PACS2: variants seen among roughly 807,000 people sequenced by gnomAD.
PACS2 encodes PACS1-like protein.
A neutral mutation model predicts 113.0 loss-of-function variants in PACS2; 36 were observed. The observed-to-expected ratio is 0.32, with a 90% confidence interval of 0.24 to 0.42. The LOEUF is 0.42. PACS2 is among the 10% of genes least tolerant of loss of function. The probability of loss-of-function intolerance (pLI) is 1.00; values close to 1 mark genes in which losing one functional copy is unlikely to be tolerated. For missense variants in PACS2, 1,015 were observed against 1,239.5 expected (o/e 0.82, Z 2.72); for synonymous variants, 589 against 536.1 (o/e 1.10, Z -1.36).
chr14:105,308,481 C>CTTTTT (rs1227708197), intron 1 of PACS2, among the ~76,000 whole-genome samples: 2 of 124,590 alleles, frequency 1.6e-5, no homozygotes, highest in African/African-American at 6.5e-5. Context: ...CAGATTCTGT[C>CTTTTT]TTTTTTTTTT....
chr14:105,342,643 C>T (rs962350929), intron 1 of PACS2, among the ~76,000 whole-genome samples: 12 of 151,894 alleles, frequency 7.9e-5, no homozygotes, highest in African/African-American at 2.2e-4. Flanking sequence ...TTGCAAGTAT[C>T]GTCTGGTAGG....
At chr14:105,377,816 T>C (rs1555410837) in intron 9 of PACS2, among the ~76,000 whole-genome samples, 1 of 152,218 alleles carries the variant, frequency 6.6e-6, no homozygotes, top group Admixed American at 6.5e-5. Flanking sequence ...GTTCTGGAGA[T>C]TGCCATCCCG....
In PACS2 at chr14:105,317,486, A is replaced by G. The variant is rs952574512; in HGVS notation, c.119+2449A>G. Among the ~76,000 whole-genome samples, 1 of 151,922 alleles carries G rather than the reference A, an allele frequency of 6.6e-6. No homozygotes were observed. The highest frequency in any genetic ancestry group is 2.4e-5 in the African/African-American group (1 of 41,338). On this transcript the variant is annotated intron_variant, in intron 1 of 24. Coordinates refer to ENST00000447393, the MANE Select transcript of PACS2 (RefSeq NM_001100913.3). The surrounding 1 kb of genome is among the most constrained non-coding windows in gnomAD (Gnocchi z 4.2). ...CCCACTGCTCCACATTTGTGCCAAC[A>G]CTCATTTGACTTAATTTTTGCCAGT...
At position 105,354,119 on chromosome 14, in the gene PACS2, A is replaced by G. The variant is rs909534194; in HGVS notation, c.298-933A>G. Among the ~76,000 whole-genome samples, 1 of 152,038 alleles carries G rather than the reference A, an allele frequency of 6.6e-6. No individual in the cohort carries two copies. The highest frequency in any genetic ancestry group is 1.5e-5 in the Non-Finnish European group (1 of 68,002). On this transcript the variant is annotated intron_variant, in intron 3 of 24. Transcript: ENST00000447393. This position sits in a 1 kb window ranked among gnomAD's most constrained non-coding sequence, Gnocchi z 4.2. ...AAGAGAGAATATAATAACGAGGGCAAAAAAACACTTACTGAGTCAAGGCTA... is the reference window on the plus strand; with the variant it reads ...AAGAGAGAATATAATAACGAGGGCAGAAAAACACTTACTGAGTCAAGGCTA...
chr14:105,356,341 G>A lies in PACS2; in HGVS notation c.423+1164G>A, dbSNP rs587772529. ...GGAGGGTACAGGAAGCAGCAGTGGC[G>A]TCCCGAGGCCTCGCTTCTCCGTGCC... On this transcript the variant is annotated intron_variant, in intron 4 of 24. Transcript: ENST00000447393. This position sits in a 1 kb window ranked among gnomAD's most constrained non-coding sequence, Gnocchi z 4.0. Among the ~76,000 whole-genome samples the A allele has an allele frequency of 2.6e-5, 4 of 152,302 alleles. 1 individual carries two copies. The highest frequency in any genetic ancestry group is 4.4e-5 in the Non-Finnish European group (3 of 68,008).
At position 105,384,992 on chromosome 14, in the gene PACS2, C is replaced by A; in HGVS notation, c.2000+5C>A. 1 of 1,522,340 alleles carries A rather than the reference C, an allele frequency of 6.6e-7. No individual in the cohort carries two copies. Among genetic ancestry groups the A allele is most frequent in the Non-Finnish European group, 9.0e-7 (1 of 1,117,314 alleles). The allele number at this position is 1,522,340 out of a possible 1,614,324, so 94.3% of individuals were successfully genotyped here. On this transcript the variant is annotated splice_donor_5th_base_variant and intron_variant, in intron 18 of 24. Coordinates refer to ENST00000447393, the MANE Select transcript of PACS2 (RefSeq NM_001100913.3). ...GCTGACCTACAAGCAGAAGAGGTAA[C>A]GCGGTGGGCCCAGGCACCATACCAC...
At chr14:105,367,443 C>G in intron 5 of PACS2, 68 bp downstream of exon 5, 2 of 1,494,872 alleles carry the variant, frequency 1.3e-6, no homozygotes, top group Non-Finnish European at 1.9e-6. Flanking sequence ...CATGGCACAT[C>G]GGGTGGCAGA....
intron 4 of PACS2, among the ~76,000 whole-genome samples, chr14:105,364,308 GTCCCGGGT>G (rs2060847063): frequency 6.9e-6 from 1 of 145,522 alleles, no homozygotes; most frequent in African/African-American, 2.7e-5. Context: ...TGTGGTGGGC[GTCCCGGGT>G]GCGCGGTGGG....
intron 1 of PACS2, among the ~76,000 whole-genome samples, chr14:105,343,090 G>T (rs1290365188): frequency 6.6e-6 from 1 of 152,092 alleles, no homozygotes; most frequent in Non-Finnish European, 1.5e-5. Flanking sequence ...CCTCCCTACT[G>T]ACCTGGCCTT....
At chr14:105,306,315 T>C (rs913024215) in intron 1 of PACS2, among the ~76,000 whole-genome samples, 15 of 152,138 alleles carry the variant, frequency 9.9e-5, no homozygotes, top group African/African-American at 3.6e-4. Context: ...TGTTTTGTTT[T>C]GTTTTTGAGA....
rs587685724 is a variant in PACS2 at position 105,351,141 on chromosome 14, G to A, written c.208-1237G>A. 1.4e-4 allele frequency among the ~76,000 whole-genome samples: 22 copies of A among 152,294 alleles called. No individual in the cohort carries two copies. In the South Asian group the frequency reaches 2.1e-3, roughly 14 times the overall value. Reference sequence around the variant, plus strand: ...TCTCATCCACTGTGTCCCGCGCGCCGGCCTCCGGGAACCTTGTGCCTGGGA... The same window carrying A: ...TCTCATCCACTGTGTCCCGCGCGCCAGCCTCCGGGAACCTTGTGCCTGGGA... On this transcript the variant is annotated intron_variant, in intron 2 of 24. Transcript: ENST00000447393.
At position 105,383,928 on chromosome 14, in the gene PACS2, G is replaced by C. The variant is rs114982170; in HGVS notation, c.1780+415G>C. ...CAAATCGTCCAGGTCCTGTGTCGTC[G>C]AACTCCATTACTTCTTTAGGTCCAT... On this transcript the variant is annotated intron_variant, in intron 16 of 24. Coordinates refer to ENST00000447393, the MANE Select transcript of PACS2 (RefSeq NM_001100913.3). 9.3e-3 allele frequency: 2,470 copies of C among 265,856 alleles called. 72 individuals carry two copies. Among genetic ancestry groups the C allele is most frequent in the African/African-American group, 0.052 (2,321 of 44,658 alleles). 16.5% of individuals were successfully genotyped at this position (265,856 alleles called of 1,614,324 possible).
rs1346342769 is a variant in PACS2, at chr14:105,315,784, C to T, written c.119+747C>T. Reference sequence around the variant, plus strand: ...GCTCAGTTTGAAACTTTTGTAATTTCTTCGTGACTTGGTAGTTCCTGCTCA... The same window carrying T: ...GCTCAGTTTGAAACTTTTGTAATTTTTTCGTGACTTGGTAGTTCCTGCTCA... On this transcript the variant is annotated intron_variant, in intron 1 of 24. Coordinates refer to ENST00000447393, the MANE Select transcript of PACS2 (RefSeq NM_001100913.3). This position sits in a 1 kb window ranked among gnomAD's most constrained non-coding sequence, Gnocchi z 4.4. 2.0e-5 allele frequency among the ~76,000 whole-genome samples: 3 copies of T among 152,230 alleles called. No homozygotes were observed. Among genetic ancestry groups the T allele is most frequent in the Non-Finnish European group, 4.4e-5 (3 of 68,038 alleles).
upstream of PACS2, among the ~76,000 whole-genome samples, chr14:105,311,665 A>G (rs1803161076): frequency 6.6e-6 from 1 of 152,132 alleles, no homozygotes; most frequent in African/African-American, 2.4e-5. Context: ...GGTTGATTCC[A>G]GGCCTCACTC....
upstream of PACS2, chr14:105,314,458 G>GGGGGCGGGGC (rs1307522038): frequency 3.3e-5 from 5 of 149,328 alleles, no homozygotes; most frequent in East Asian, 2.0e-4. Context: ...GCGGCTCCCG[G>GGGGGCGGGGC]GGGGCGGGGC....
rs1044131127 is a variant in PACS2 at position 105,324,735 on chromosome 14, T to TGG, written c.119+9703_119+9704dup. On this transcript the variant is annotated intron_variant, in intron 1 of 24. Coordinates refer to ENST00000447393, the MANE Select transcript of PACS2 (RefSeq NM_001100913.3). This position sits in a 1 kb window ranked among gnomAD's most constrained non-coding sequence, Gnocchi z 4.7. ...GTGGCGCCCCGTCTCACCCCACGGA[T>TGG]GGGGGGCAGGCTCTCCAGGAGCCCC... Among the ~76,000 whole-genome samples, 1 of 152,000 alleles carries TGG rather than the reference T, an allele frequency of 6.6e-6. No individual in the cohort carries two copies. The highest frequency in any genetic ancestry group is 1.5e-5 in the Non-Finnish European group (1 of 67,948).
chr14:105,372,021 TC>T (rs2061175047), intron 8 of PACS2: 1 of 152,232 alleles, frequency 6.6e-6, no homozygotes, highest in African/African-American at 2.4e-5. Flanking sequence ...AGGCCCCACT[TC>T]CTAATTCTAG....
At chr14:105,353,381 C>CG (rs781912827) in intron 3 of PACS2, among the ~76,000 whole-genome samples, 18 of 134,462 alleles carry the variant, frequency 1.3e-4, no homozygotes, top group Non-Finnish European at 2.7e-4. Context: ...ATGGCCCCCC[C>CG]TCATCACTGT....
rs1555417340 is a variant in PACS2 at position 105,397,731 on chromosome 14, C to T, written c.*3059C>T. ...TCTCTGCAGGGTACTGGCAGCCTTG[C>T]CACACTGTCCTCATTCCCAGATGGA... On this transcript the variant is annotated 3_prime_UTR_variant, in exon 25 of 25. Coordinates refer to ENST00000447393, the MANE Select transcript of PACS2 (RefSeq NM_001100913.3). 6.6e-6 allele frequency: 1 copy of T among 152,274 alleles called. No homozygotes were observed. Among genetic ancestry groups the T allele is most frequent in the East Asian group, 1.9e-4 (1 of 5,200 alleles). The allele number at this position is 152,274 out of a possible 1,614,324, so 9.4% of individuals were successfully genotyped here. A position where few individuals can be genotyped will look rare whatever the true frequency, so the allele number is the denominator to read the frequency against.
Sources: gnomAD v4.1 joint callset for allele counts (sites outside exome capture counted in the v4.1 genomes callset) on GRCh38, gnomAD v4.1.1 for gene constraint, Gnocchi (gnomAD v3.1) non-coding constraint, MANE v1.5 for transcripts, NCBI Gene and HGNC (gene_info 2026-07-23, HGNC 2026-07-21) for gene names.